Variants in TP53BP1 observed in about 807,000 individuals in gnomAD.
TP53BP1 encodes the protein tumor protein p53 binding protein 1.
Under a neutral mutation model 200.8 loss-of-function variants are expected in TP53BP1, and 61 were observed. That is an observed-to-expected ratio of 0.30 (90% confidence interval 0.25 to 0.38). TP53BP1 has a LOEUF of 0.38. Ranked by LOEUF, TP53BP1 falls within the 10% of genes least tolerant of loss-of-function variation. The probability of loss-of-function intolerance (pLI) is 1.00; values close to 1 mark genes in which losing one functional copy is unlikely to be tolerated. For synonymous variants in TP53BP1, 822 were observed against 844.3 expected, an observed-to-expected ratio of 0.97 and a Z score of 0.46; for missense variants, 2,144 against 2,371.9, an observed-to-expected ratio of 0.90 and a Z score of 2.00.
chr15:43,463,797 A>G (rs1197094383), intron 11 of TP53BP1, among the ~76,000 whole-genome samples: 1 of 152,188 alleles, frequency 6.6e-6, no homozygotes, highest in East Asian at 1.9e-4. Context: ...AGTAAAACAG[A>G]GTGTCCCAGG....
In TP53BP1 at chr15:43,413,242, G is replaced by A; in HGVS notation, c.5182C>T (p.Pro1728Ser). Residue 1728 changes from proline (P) to serine (S), a missense_variant, in exon 24 of 28, where the codon CCT (proline) becomes TCT (serine). Transcript: ENST00000382044. ...SALEEQRGPL[P>S]LNKTLFLGYA... Reference sequence around the variant, plus strand: ...CCCAGAAACAAGGTCTTGTTGAGAGGCAAAGGCCCTCTCTGCTCTTCCAGG... The same window carrying A: ...CCCAGAAACAAGGTCTTGTTGAGAGACAAAGGCCCTCTCTGCTCTTCCAGG... The A allele has an allele frequency of 6.2e-7, 1 of 1,614,168 alleles. No individual in the cohort carries two copies. Among genetic ancestry groups the A allele is most frequent in the East Asian group, 2.2e-5 (1 of 44,874 alleles).
intron 14 of TP53BP1, among the ~76,000 whole-genome samples, chr15:43,443,245 A>G (rs1481909013): frequency 6.6e-6 from 1 of 152,196 alleles, no homozygotes; most frequent in Non-Finnish European, 1.5e-5. Flanking sequence ...TTTAAAATTT[A>G]TATCATATTA....
intron 26 of TP53BP1, 163 bp downstream of exon 26, chr15:43,408,734 G>GAAAT (rs1039880404): frequency 1.5e-5 from 10 of 673,626 alleles, no homozygotes; most frequent in Non-Finnish European, 2.2e-5. Context: ...GTAACCTAGG[G>GAAAT]AAATAAACTA....
Position 43,416,353 on chromosome 15 carries a change from T to C in TP53BP1, c.4745A>G (p.Gln1582Arg). The change falls in exon 22 of 28, where the codon CAA becomes CGA. Residue 1582 changes from glutamine to arginine, a missense_variant. Physicochemically the swap from Gln to Arg is conservative, Grantham distance 43 (BLOSUM62 1). This residue lies in a region of TP53BP1 where 61 missense variants were observed against 147.5 expected (regional missense o/e 0.41). Transcript: ENST00000382044. ...AGCCATTCGCTTATACCACTTTCTT[T>C]GGCCTTCTTTTTCAATGCTGTAGTA... ...ELYYSIEKEGQRKWYKRMAVI... is the reference protein window; with the variant it reads ...ELYYSIEKEGRRKWYKRMAVI... The C allele has an allele frequency of 6.2e-7, 1 of 1,614,228 alleles. No individual in the cohort carries two copies. Among genetic ancestry groups the C allele is most frequent in the Non-Finnish European group, 8.5e-7 (1 of 1,180,022 alleles).
At position 43,479,964 on chromosome 15, in the gene TP53BP1, C is replaced by A; in HGVS notation, c.553G>T (p.Asp185Tyr). ...TATGGCACAGTATTTTCCTCAACAT[C>A]CTGGCTCTGGGAGAGTTCCAGAACC... is the stretch of plus-strand genomic sequence containing the variant. ...FGVLELSQSQ[D>Y]VEENTVPYEV... The change falls in exon 6 of 28, where the codon GAT becomes TAT. Residue 185 changes from aspartate to tyrosine, a missense_variant. This residue lies in a region of TP53BP1 where 1,700 missense variants were observed against 1,710.3 expected (regional missense o/e 0.99). Coordinates refer to ENST00000382044, the MANE Select transcript of TP53BP1 (RefSeq NM_001141980.3). The A allele has an allele frequency of 6.2e-7, 1 of 1,614,130 alleles. No homozygotes were observed. The highest frequency in any genetic ancestry group is 8.5e-7 in the Non-Finnish European group (1 of 1,180,022).
chr15:43,492,971 A>G, intron 1 of TP53BP1, 66 bp downstream of exon 1: 1 of 1,397,008 alleles, frequency 7.2e-7, no homozygotes, highest in South Asian at 1.2e-5. Flanking sequence ...CCGGTCAGCC[A>G]TCCCTTCAGA....
chr15:43,502,749 G>A lies in TP53BP1; in HGVS notation c.-9+7621C>T, dbSNP rs567173367. Among the ~76,000 whole-genome samples the A allele has an allele frequency of 1.9e-4, 28 of 146,812 alleles. No homozygotes were observed. In the East Asian group the frequency reaches 4.7e-3, roughly 25 times the overall value. On this transcript the variant is annotated intron_variant, in intron 1 of 27. Coordinates refer to the TP53BP1 transcript ENST00000263801. ...GTTGGGATTACACGCGTGAGCCACC[G>A]TGCCCTGCCATTTGTTTTTTTCTTG...
rs759716044 is a variant in TP53BP1 at position 43,421,073 on chromosome 15, C to T, written c.4202G>A (p.Arg1401His). ...RQGGKAPVTP[R>H]GRGRRGRPPS... is the part of the protein sequence containing the mutation. Reference sequence around the variant, plus strand: ...TGGGCGGCCCCTTCGCCCACGCCCACGAGGCGTGACTGGAGCCTTCCCTCC... The same window carrying T: ...TGGGCGGCCCCTTCGCCCACGCCCATGAGGCGTGACTGGAGCCTTCCCTCC... The change falls in exon 20 of 28, where the codon CGT becomes CAT. Residue 1401 changes from arginine (R) to histidine (H), a missense_variant. Transcript: ENST00000382044. The T allele has an allele frequency of 3.7e-6, 6 of 1,614,208 alleles. No individual in the cohort carries two copies. The highest frequency in any genetic ancestry group is 2.2e-5 in the East Asian group (1 of 44,888).
intron 13 of TP53BP1, 31 bp from the exon 14 acceptor site, chr15:43,446,621 A>C (rs752130475): frequency 1.6e-5 from 26 of 1,601,306 alleles, no homozygotes; most frequent in Non-Finnish European, 2.1e-5. Context: ...AGGAAGAAAA[A>C]AAGAACACTA....
At chr15:43,438,511 T>G (rs2045852090) in intron 15 of TP53BP1, 95 bp from the exon 16 acceptor site, 1 of 1,015,308 alleles carries the variant, frequency 9.8e-7, no homozygotes, top group Non-Finnish European at 1.4e-6. Flanking sequence ...TAAAATGCTT[T>G]CTCTGCATAT....
intron 16 of TP53BP1, among the ~76,000 whole-genome samples, chr15:43,435,809 C>A (rs1195829279): frequency 1.3e-5 from 2 of 152,044 alleles, no homozygotes; most frequent in African/African-American, 2.4e-5. Flanking sequence ...GATTCTCATG[C>A]CTTAGCCTCC....
At chr15:43,452,428 C>G (rs1461364433) in intron 12 of TP53BP1, among the ~76,000 whole-genome samples, 3 of 151,954 alleles carry the variant, frequency 2.0e-5, no homozygotes, top group Non-Finnish European at 4.4e-5. Context: ...CATGCTGGTA[C>G]ACGCCTGTAG....
intron 1 of TP53BP1, among the ~76,000 whole-genome samples, chr15:43,508,044 T>C (rs1286745524): frequency 1.3e-5 from 2 of 152,178 alleles, no homozygotes; most frequent in African/African-American, 4.8e-5. Context: ...TTTGGACAAG[T>C]GCTATGTGCA....
intron 1 of TP53BP1, among the ~76,000 whole-genome samples, chr15:43,501,198 G>C (rs1298828363): frequency 7.0e-6 from 1 of 142,214 alleles, no homozygotes; most frequent in East Asian, 2.1e-4. Context: ...GCTCTTAATT[G>C]TGTAATTTTT....
intron 11 of TP53BP1, among the ~76,000 whole-genome samples, chr15:43,469,615 A>G (rs1349620949): frequency 2.6e-5 from 4 of 152,186 alleles, no homozygotes; most frequent in Admixed American, 2.6e-4. Flanking sequence ...TTGCAGTAAC[A>G]TTTTCAAAAA....
At chr15:43,445,095 T>C (rs943943665) in intron 14 of TP53BP1, among the ~76,000 whole-genome samples, 1 of 152,142 alleles carries the variant, frequency 6.6e-6, no homozygotes, top group African/African-American at 2.4e-5. Context: ...CTCTCAACCC[T>C]GCATTTCCCT....
chr15:43,409,409 A>G (rs2045037506), intron 25 of TP53BP1: 3 of 537,882 alleles, frequency 5.6e-6, no homozygotes, highest in Admixed American at 6.6e-5. Flanking sequence ...CATAAACATC[A>G]ATCTTCTTTT....
At chr15:43,457,696 A>G (rs2046334696) in intron 11 of TP53BP1, among the ~76,000 whole-genome samples, 1 of 150,232 alleles carries the variant, frequency 6.7e-6, no homozygotes, top group African/African-American at 2.4e-5. Context: ...AAAAAAAAAA[A>G]AAAAAAGCTA....
intron 11 of TP53BP1, among the ~76,000 whole-genome samples, chr15:43,462,201 A>C (rs1236236658): frequency 9.3e-6 from 1 of 107,834 alleles, no homozygotes; most frequent in Non-Finnish European, 1.7e-5. Context: ...ACACGTGGAG[A>C]GCGAGACTTC....
Sources: gnomAD v4.1 joint callset for allele counts (sites outside exome capture counted in the v4.1 genomes callset) on GRCh38, gnomAD v4.1.1 for gene constraint, gnomAD v4.1.1 regional missense constraint, MANE v1.5 for transcripts, NCBI Gene and HGNC (gene_info 2026-07-23, HGNC 2026-07-21) for gene names.